GPHN: variants seen among roughly 807,000 people sequenced by gnomAD.
GPHN encodes gephyrin.
Under a neutral mutation model 95.5 loss-of-function variants are expected in GPHN, and 17 were observed. The observed-to-expected ratio is 0.18, with a 90% CI of 0.12 to 0.27. GPHN has a LOEUF of 0.27. GPHN is among the 10% of genes least tolerant of loss of function. GPHN has a pLI of 1.00. For synonymous variants in GPHN, 320 were observed against 322.5 expected (o/e 0.99, Z 0.08); for missense variants, 660 against 978.1 (o/e 0.67, Z 4.34).
chr14:67,108,140 C>G (rs1699751317), intron 13 of GPHN, among the ~76,000 whole-genome samples: 1 of 152,130 alleles, frequency 6.6e-6, no homozygotes, highest in Non-Finnish European at 1.5e-5. Flanking sequence ...ATTTCCTTAC[C>G]ACATCTTAGT....
the GPHN span, among the ~76,000 whole-genome samples, chr14:67,307,639 G>A: frequency 6.6e-6 from 1 of 152,122 alleles, no homozygotes; most frequent in Non-Finnish European, 1.5e-5. Context: ...TGTGGGGAAA[G>A]GAGAAATTCT....
chr14:67,712,316 C>A, the GPHN span, among the ~76,000 whole-genome samples: 1 of 151,998 alleles, frequency 6.6e-6, no homozygotes, highest in African/African-American at 2.4e-5. Flanking sequence ...TGAGGTTAAA[C>A]CATGTGATGC....
At chr14:66,902,202 C>T (rs1051591282) in intron 5 of GPHN, among the ~76,000 whole-genome samples, 2 of 151,900 alleles carry the variant, frequency 1.3e-5, no homozygotes, top group African/African-American at 4.8e-5. Flanking sequence ...AATGCTACTG[C>T]TTTTTGTATG....
intron 3 of GPHN, among the ~76,000 whole-genome samples, chr14:66,810,361 T>TG (rs11443563): frequency 0.32 from 48,495 of 151,316 alleles, 12,264 homozygotes; most frequent in African/African-American, 0.68. Context: ...TGTTTCCAGA[T>TG]TTTTTTTGTT....
the GPHN span, among the ~76,000 whole-genome samples, chr14:67,192,462 T>G: frequency 6.6e-6 from 1 of 152,042 alleles, no homozygotes; most frequent in Admixed American, 6.6e-5. Flanking sequence ...AGTAAGGTGA[T>G]TGGATCAGAG....
intron 1 of GPHN, among the ~76,000 whole-genome samples, chr14:66,547,310 A>T (rs2059639847): frequency 6.6e-6 from 1 of 152,196 alleles, no homozygotes. Context: ...ATGCTTAACA[A>T]ATTTTTGGAT....
At chr14:66,767,184 T>C (rs955168822) in intron 2 of GPHN, among the ~76,000 whole-genome samples, 1 of 152,080 alleles carries the variant, frequency 6.6e-6, no homozygotes, top group Non-Finnish European at 1.5e-5. Flanking sequence ...GTAGTAAGTA[T>C]ATAAGACTAA....
the GPHN span, among the ~76,000 whole-genome samples, chr14:67,371,563 A>C: frequency 6.6e-6 from 1 of 152,242 alleles, no homozygotes; most frequent in Non-Finnish European, 1.5e-5. Context: ...TAGCCTATAC[A>C]CACATAGGTT....
the GPHN span, among the ~76,000 whole-genome samples, chr14:67,399,493 G>A: frequency 6.8e-6 from 1 of 147,234 alleles, no homozygotes; most frequent in African/African-American, 2.6e-5. Context: ...GCTGTCAGGT[G>A]GCAGGAATAG....
intron 16 of GPHN, among the ~76,000 whole-genome samples, chr14:67,118,703 G>C (rs963784826): frequency 6.6e-6 from 1 of 151,782 alleles, no homozygotes; most frequent in African/African-American, 2.4e-5. Flanking sequence ...ACTCACTACA[G>C]CCAGGGCGAC....
the GPHN span, chr14:67,674,674 A>G: frequency 8.5e-6 from 4 of 473,338 alleles, no homozygotes; most frequent in Non-Finnish European, 1.1e-5. Context: ...TTCTCCAGCC[A>G]GTGATTGCTG....
chr14:67,412,573 C>G, the GPHN span, among the ~76,000 whole-genome samples: 5 of 152,098 alleles, frequency 3.3e-5, no homozygotes, highest in Non-Finnish European at 7.3e-5. Flanking sequence ...GAAGACCTCT[C>G]AGTAACAGGA....
intron 1 of GPHN, among the ~76,000 whole-genome samples, chr14:66,664,108 T>C (rs968870919): frequency 6.6e-6 from 1 of 152,134 alleles, no homozygotes; most frequent in African/African-American, 2.4e-5. Flanking sequence ...GGATCTGAAC[T>C]CAGATCTGGA....
At chr14:67,519,981 C>T in the GPHN span, among the ~76,000 whole-genome samples, 1 of 152,290 alleles carries the variant, frequency 6.6e-6, no homozygotes, top group East Asian at 1.9e-4. Flanking sequence ...CCTCGGCCCC[C>T]CAAAGTGCTG....
At chr14:67,149,048 G>A (rs985239116) in intron 18 of GPHN, among the ~76,000 whole-genome samples, 3 of 151,574 alleles carry the variant, frequency 2.0e-5, no homozygotes, top group African/African-American at 7.3e-5. Context: ...ACAACGCATT[G>A]AAAATAAATT....
chr14:67,541,839 C>T, the GPHN span: 1 of 1,567,078 alleles, frequency 6.4e-7, no homozygotes, highest in Non-Finnish European at 8.6e-7. Context: ...CTTAGGGCTC[C>T]CCAGAATAAT....
chr14:67,324,415 G>A, the GPHN span, among the ~76,000 whole-genome samples: 61 of 152,076 alleles, frequency 4.0e-4, no homozygotes, highest in East Asian at 0.011. Flanking sequence ...AGAGTAACAT[G>A]TTCTTCCTTG....
chr14:67,490,088 G>A, the GPHN span, among the ~76,000 whole-genome samples: 315 of 152,356 alleles, frequency 2.1e-3, no homozygotes, highest in African/African-American at 7.2e-3. Flanking sequence ...GGACAGGCAA[G>A]GTGGAGAAGG....
chr14:67,376,726 A>G, the GPHN span: 1 of 817,002 alleles, frequency 1.2e-6, no homozygotes, highest in Non-Finnish European at 1.9e-6. Flanking sequence ...TAAATGGGCC[A>G]ATCCTATATG....
Sources: allele counts gnomAD v4.1 joint callset (sites outside exome capture counted in the v4.1 genomes callset), GRCh38; gene constraint gnomAD v4.1.1; transcripts MANE v1.5; gene names NCBI Gene and HGNC (gene_info 2026-07-23, HGNC 2026-07-21).